The following PTBP3 variants were observed in gnomAD, a reference collection of about 807,000 sequenced individuals.
The protein encoded by PTBP3 is polypyrimidine tract-binding protein 3.
Under a neutral mutation model 58.7 loss-of-function variants are expected in PTBP3, and 20 were observed. That is an observed-to-expected ratio of 0.34 (90% CI 0.24 to 0.50). PTBP3 has a LOEUF of 0.50. Ranked by LOEUF, PTBP3 falls within the 20% of genes least tolerant of loss-of-function variation. The probability of loss-of-function intolerance (pLI) is 0.98; values close to 1 mark genes in which losing one functional copy is unlikely to be tolerated. For missense variants in PTBP3, 509 were observed against 637.2 expected (o/e 0.80, Z 2.17); for synonymous variants, 185 against 219.8 (o/e 0.84, Z 1.40).
the PTBP3 span, chr9:112,379,828 A>C: frequency 6.1e-6 from 3 of 492,268 alleles, no homozygotes; most frequent in Non-Finnish European, 1.1e-5. Context: ...GTAGCGGCTG[A>C]CGCTGCCCAG....
chr9:112,327,765 A>G (rs774331989), intron 1 of PTBP3, among the ~76,000 whole-genome samples: 15 of 150,518 alleles, frequency 1.0e-4, no homozygotes, highest in Non-Finnish European at 2.1e-4. Flanking sequence ...AAATGAAATG[A>G]TTTCTTTCTC....
chr9:112,368,569 C>T, the PTBP3 span, among the ~76,000 whole-genome samples: 30 of 151,870 alleles, frequency 2.0e-4, no homozygotes, highest in African/African-American at 6.5e-4. Flanking sequence ...CACAATATTA[C>T]AATATAACTC....
chr9:112,292,610 C>T (rs1439000533), intron 2 of PTBP3, among the ~76,000 whole-genome samples: 1 of 152,072 alleles, frequency 6.6e-6, no homozygotes, highest in Admixed American at 6.6e-5. Context: ...AAAGGGAAAC[C>T]CTTCCATTTG....
intron 1 of PTBP3, among the ~76,000 whole-genome samples, chr9:112,313,450 A>C (rs1212657468): frequency 1.3e-5 from 2 of 152,220 alleles, no homozygotes; most frequent in Non-Finnish European, 2.9e-5. Flanking sequence ...CCATGCCTGG[A>C]TAACTAATTA....
chr9:112,280,767 ATGTGTG>A (rs3032061), intron 2 of PTBP3, among the ~76,000 whole-genome samples: 6 of 150,884 alleles, frequency 4.0e-5, no homozygotes, highest in Admixed American at 2.0e-4. Context: ...CTGTGTGTGT[ATGTGTG>A]TGTGTGTGTG....
At chr9:112,325,438 G>A in intron 1 of PTBP3, among the ~76,000 whole-genome samples, 1 of 151,958 alleles carries the variant, frequency 6.6e-6, no homozygotes, top group Non-Finnish European at 1.5e-5. Context: ...CCCTCTCTTT[G>A]CTGAGAGCTC....
intron 4 of PTBP3, among the ~76,000 whole-genome samples, chr9:112,264,464 T>C (rs906958541): frequency 2.0e-5 from 3 of 152,228 alleles, no homozygotes; most frequent in Non-Finnish European, 4.4e-5. Context: ...AAACACTTAA[T>C]ATTCACCTGA....
At chr9:112,264,031 C>A (rs571200343) in intron 4 of PTBP3, among the ~76,000 whole-genome samples, 1 of 151,298 alleles carries the variant, frequency 6.6e-6, no homozygotes, top group South Asian at 2.1e-4. Flanking sequence ...GAGCAGAATT[C>A]CTATTATGGG....
At chr9:112,245,615 G>T (rs1835845917) in intron 7 of PTBP3, among the ~76,000 whole-genome samples, 1 of 152,102 alleles carries the variant, frequency 6.6e-6, no homozygotes, top group Non-Finnish European at 1.5e-5. Flanking sequence ...TAATGTTTAG[G>T]TATTGATTTT....
At chr9:112,316,607 T>G (rs924372795) in intron 1 of PTBP3, among the ~76,000 whole-genome samples, 2 of 152,154 alleles carry the variant, frequency 1.3e-5, no homozygotes, top group African/African-American at 2.4e-5. Flanking sequence ...ATAACAAATT[T>G]TAATACTAAC....
At chr9:112,244,582 G>C (rs188279208) in intron 7 of PTBP3, among the ~76,000 whole-genome samples, 2 of 152,136 alleles carry the variant, frequency 1.3e-5, no homozygotes, top group Admixed American at 6.5e-5. Flanking sequence ...AGGAGGCTGA[G>C]GTGGGAGGAC....
intron 1 of PTBP3, among the ~76,000 whole-genome samples, chr9:112,319,515 C>A (rs1015873125): frequency 6.6e-6 from 1 of 152,290 alleles, no homozygotes. Flanking sequence ...TATGACCTCA[C>A]ATCTGTTAGA....
At chr9:112,341,492 G>T in the PTBP3 span, among the ~76,000 whole-genome samples, 1 of 151,850 alleles carries the variant, frequency 6.6e-6, no homozygotes, top group African/African-American at 2.4e-5. Flanking sequence ...GTTTTTCGTT[G>T]GGTGTGTGTG....
chr9:112,251,015 T>G lies in PTBP3; in HGVS notation c.716A>C (p.Asn239Thr), dbSNP rs776772010. The G allele has an allele frequency of 3.2e-5, 52 of 1,612,326 alleles. No individual in the cohort carries two copies. Among genetic ancestry groups the G allele is most frequent in the Non-Finnish European group, 4.3e-5 (51 of 1,179,132 alleles). The stretch of plus-strand genomic sequence containing the variant: ...GCGAGTGAAGTCTCTGCTTTTGTCA[T>G]TATTATATTTCACATTAAGGCTGGT... The part of the protein sequence containing the change: ...KLTSLNVKYN[N>T]DKSRDFTRLD... The change falls in exon 7 of 14, where the codon AAT (asparagine) becomes ACT (threonine). Residue 239 changes from asparagine (N) to threonine (T), a missense_variant. Physicochemically the swap from Asn to Thr is moderately conservative, Grantham distance 65 (BLOSUM62 0). Coordinates refer to ENST00000374257, the MANE Select transcript of PTBP3 (RefSeq NM_001163788.4).
chr9:112,263,943 C>CT (rs1836698032), intron 4 of PTBP3, among the ~76,000 whole-genome samples: 1 of 151,128 alleles, frequency 6.6e-6, no homozygotes, highest in Non-Finnish European at 1.5e-5. Flanking sequence ...TTTAAAGCAA[C>CT]TATTATTACT....
intron 3 of PTBP3, 69 bp from the exon 4 acceptor site, chr9:112,268,264 A>T: frequency 6.6e-7 from 1 of 1,518,926 alleles, no homozygotes; most frequent in Non-Finnish European, 8.8e-7. Context: ...ATATTTTGCC[A>T]TTCTAGCTTG....
the PTBP3 span, among the ~76,000 whole-genome samples, chr9:112,365,120 CTTCT>C: frequency 2.0e-5 from 3 of 152,220 alleles, no homozygotes; most frequent in African/African-American, 7.2e-5. Context: ...GGATTTCTTT[CTTCT>C]TTAAGGCTTA....
chr9:112,226,187 CT>C lies in PTBP3; in HGVS notation c.1364+1223del, dbSNP rs538878316. Among the ~76,000 whole-genome samples, 993 of 145,914 alleles carry C rather than the reference CT, an allele frequency of 6.8e-3. 11 individuals carry two copies. The highest frequency in any genetic ancestry group is 0.029 in the Middle Eastern group (8 of 278). ...GTCCATGTCATCTACTTTTAATCTA[CT>C]TTTTTTTTTTTTCCTTGACTCTACC... is the stretch of plus-strand genomic sequence containing the variant. On this transcript the variant is annotated intron_variant, in intron 12 of 13. Transcript: ENST00000374257.
chr9:112,297,791 A>C, intron 2 of PTBP3, 41 bp downstream of exon 2: 6 of 1,430,454 alleles, frequency 4.2e-6, no homozygotes, highest in Non-Finnish European at 5.7e-6. Context: ...ACAATTTGAA[A>C]CCCACAGAAA....
Sources: gnomAD v4.1 joint callset for allele counts (sites outside exome capture counted in the v4.1 genomes callset) on GRCh38, gnomAD v4.1.1 for gene constraint, MANE v1.5 for transcripts, NCBI Gene and HGNC (gene_info 2026-07-23, HGNC 2026-07-21) for gene names.